Variants in SIAH3 observed in about 807,000 individuals in gnomAD.
SIAH3 encodes siah E3 ubiquitin protein ligase family member 3.
SIAH3 carries 9 observed loss-of-function variants against 12.6 expected under a neutral mutation model. The observed-to-expected ratio is 0.72, with a 90% CI of 0.43 to 1.25. SIAH3 has a LOEUF of 1.25. Ranked by LOEUF, SIAH3 falls within the 50% of genes most tolerant of loss-of-function variation. The pLI is 0.00. For missense variants in SIAH3, 390 were observed against 365.4 expected (o/e 1.07, Z -0.55); for synonymous variants, 154 against 151.1 (o/e 1.02, Z -0.14).
chr13:45,846,619 T>A lies in SIAH3; in HGVS notation c.135+4876A>T, dbSNP rs1260102804. On this transcript the variant is annotated intron_variant, in intron 1 of 1. Coordinates refer to ENST00000400405, the MANE Select transcript of SIAH3 (RefSeq NM_198849.3). ...TAATCCATCTTACCCAGGGAAGCCA[T>A]CCAAGTAATTCAGACCTCTCTGCGG... is the stretch of plus-strand genomic sequence containing the variant. 2.0e-5 allele frequency among the ~76,000 whole-genome samples: 3 copies of A among 152,180 alleles called. 1 individual carries two copies. In the East Asian group the frequency reaches 5.8e-4, roughly 29 times the overall value.
chr13:45,784,293 T>A (rs143255114), intron 1 of SIAH3, among the ~76,000 whole-genome samples: 42 of 152,184 alleles, frequency 2.8e-4, no homozygotes, highest in Middle Eastern at 6.8e-3. Flanking sequence ...AATGCAGTAT[T>A]TGTGCCTTTG....
chr13:45,813,652 C>T (rs1240444544), intron 1 of SIAH3, among the ~76,000 whole-genome samples: 1 of 152,158 alleles, frequency 6.6e-6, no homozygotes, highest in Non-Finnish European at 1.5e-5. Context: ...CCTAATATTT[C>T]ACAGTTCTGG....
intron 1 of SIAH3, among the ~76,000 whole-genome samples, chr13:45,801,357 G>C (rs1001077407): frequency 7.2e-5 from 11 of 152,196 alleles, no homozygotes; most frequent in African/African-American, 2.7e-4. Context: ...GGACATCCCT[G>C]AATGCAGGGA....
chr13:45,783,529 G>T lies in SIAH3; in HGVS notation c.664C>A (p.Leu222Ile), dbSNP rs1950513471. ...GTAATCACCGAGTCCACGCACTCAA[G>T]AACAGACCGGGGCGTGGCCTCCCAC... ...LKWEATPRSV[L>I]ECVDSVITDG... The change falls in exon 2 of 2, where the codon CTT (leucine) becomes ATT (isoleucine). Residue 222 changes from leucine (L) to isoleucine (I), a missense_variant. By Grantham distance (5) the Leu-to-Ile change is conservative. Coordinates refer to ENST00000400405, the MANE Select transcript of SIAH3 (RefSeq NM_198849.3). The T allele has an allele frequency of 1.2e-6, 2 of 1,614,114 alleles. No individual in the cohort carries two copies. The highest frequency in any genetic ancestry group is 1.7e-5 in the Admixed American group (1 of 60,008).
At chr13:45,795,356 C>G (rs1391268449) in intron 1 of SIAH3, among the ~76,000 whole-genome samples, 1 of 152,196 alleles carries the variant, frequency 6.6e-6, no homozygotes, top group Non-Finnish European at 1.5e-5. Flanking sequence ...CTCATGGCAC[C>G]ATGTGTGATG....
At chr13:45,796,974 C>T (rs1008185110) in intron 1 of SIAH3, among the ~76,000 whole-genome samples, 4 of 152,124 alleles carry the variant, frequency 2.6e-5, no homozygotes, top group African/African-American at 7.2e-5. Context: ...AGAATTCCTG[C>T]CCCCAGGGCT....
intron 1 of SIAH3, among the ~76,000 whole-genome samples, chr13:45,837,572 T>TGAAG (rs368357109): frequency 4.8e-5 from 5 of 104,552 alleles, no homozygotes; most frequent in East Asian, 3.1e-4. Flanking sequence ...AAGGAAGGAA[T>TGAAG]GAAGGAAGGA....
At chr13:45,793,818 TCTTA>T (rs1950554026) in intron 1 of SIAH3, among the ~76,000 whole-genome samples, 1 of 152,252 alleles carries the variant, frequency 6.6e-6, no homozygotes, top group South Asian at 2.1e-4. Context: ...GTGAATGTGA[TCTTA>T]CTTGCGAAAA....
intron 1 of SIAH3, among the ~76,000 whole-genome samples, chr13:45,846,539 T>C (rs1950760931): frequency 6.6e-6 from 1 of 152,158 alleles, no homozygotes; most frequent in East Asian, 1.9e-4. Flanking sequence ...TTGCTAAGGG[T>C]AAAATACCCC....
chr13:45,804,773 A>G (rs562455802), intron 1 of SIAH3, among the ~76,000 whole-genome samples: 115 of 152,216 alleles, frequency 7.6e-4, no homozygotes, highest in African/African-American at 2.6e-3. Context: ...TAAGTAGTCC[A>G]AGTATCTCCC....
chr13:45,821,040 G>A (rs1566093535), intron 1 of SIAH3, among the ~76,000 whole-genome samples: 1 of 152,200 alleles, frequency 6.6e-6, no homozygotes, highest in African/African-American at 2.4e-5. Context: ...CCAAAAAGAT[G>A]TTCAGGCTCT....
intron 1 of SIAH3, among the ~76,000 whole-genome samples, chr13:45,820,420 G>A (rs1172313433): frequency 6.6e-6 from 1 of 152,190 alleles, no homozygotes; most frequent in Non-Finnish European, 1.5e-5. Flanking sequence ...CTGCATTCTG[G>A]TGAGGAGCTC....
rs566987632 is a variant in SIAH3 at position 45,843,028 on chromosome 13, C to G, written c.135+8467G>C. On this transcript the variant is annotated intron_variant, in intron 1 of 1. Coordinates refer to ENST00000400405, the MANE Select transcript of SIAH3 (RefSeq NM_198849.3). Reference sequence around the variant, plus strand: ...CAGAATTGCCATTATTTCTCTCTCTCTCTCTCTGTGTGTGTGTGTGTGTGT... The same window carrying G: ...CAGAATTGCCATTATTTCTCTCTCTGTCTCTCTGTGTGTGTGTGTGTGTGT... 8.3e-3 allele frequency among the ~76,000 whole-genome samples: 521 copies of G among 62,868 alleles called. 1 individual carries two copies. The highest frequency in any genetic ancestry group is 0.014 in the Non-Finnish European group (429 of 30,258). 41.2% of individuals were successfully genotyped at this position (62,868 alleles called of 152,430 possible).
At chr13:45,839,333 T>C (rs894655011) in intron 1 of SIAH3, among the ~76,000 whole-genome samples, 3 of 152,142 alleles carry the variant, frequency 2.0e-5, no homozygotes, top group African/African-American at 7.2e-5. Flanking sequence ...CAGCTTCCAC[T>C]GTTAGATAAT....
chr13:45,801,591 A>G (rs1005784121), intron 1 of SIAH3, among the ~76,000 whole-genome samples: 4 of 152,216 alleles, frequency 2.6e-5, no homozygotes, highest in African/African-American at 9.7e-5. Context: ...GGGACTAAAA[A>G]TTGCAATGAA....
chr13:45,816,241 G>A (rs1950633946), intron 1 of SIAH3, among the ~76,000 whole-genome samples: 1 of 152,220 alleles, frequency 6.6e-6, no homozygotes, highest in Admixed American at 6.5e-5. Context: ...AACTCCAGGA[G>A]CCCTTGCCTC....
At chr13:45,814,459 AAGG>A (rs772421450) in intron 1 of SIAH3, among the ~76,000 whole-genome samples, 9 of 151,992 alleles carry the variant, frequency 5.9e-5, no homozygotes, top group Non-Finnish European at 1.3e-4. Flanking sequence ...GGAATCATGG[AAGG>A]CTTCTTAGAA....
In SIAH3 at chr13:45,791,177, A is replaced by G. The variant is rs569496014; in HGVS notation, c.136-7120T>C. On this transcript the variant is annotated intron_variant, in intron 1 of 1. Coordinates refer to ENST00000400405, the MANE Select transcript of SIAH3 (RefSeq NM_198849.3). ...GACCCTGTCTCAAAGAAAAAAAAAA[A>G]GAAAAAAAGAAAATCACTAATTGGT... Among the ~76,000 whole-genome samples, 29 of 151,378 alleles carry G rather than the reference A, an allele frequency of 1.9e-4. No homozygotes were observed. The South Asian group carries it at 4.4e-3, about 23-fold the overall frequency.
At chr13:45,804,024 A>AT (rs1950590991) in intron 1 of SIAH3, among the ~76,000 whole-genome samples, 1 of 152,162 alleles carries the variant, frequency 6.6e-6, no homozygotes, top group Non-Finnish European at 1.5e-5. Flanking sequence ...CTGAAAACAC[A>AT]TTGATTCCTA....
Sources: gnomAD v4.1 joint callset for allele counts (sites outside exome capture counted in the v4.1 genomes callset) on GRCh38, gnomAD v4.1.1 for gene constraint, MANE v1.5 for transcripts, NCBI Gene and HGNC (gene_info 2026-07-23, HGNC 2026-07-21) for gene names.